ADGRL3: variants seen among roughly 807,000 people sequenced by gnomAD.
ADGRL3 encodes adhesion G protein-coupled receptor L3.
ADGRL3 carries 62 observed loss-of-function variants against 153.5 expected under a neutral mutation model. The ratio of observed to expected loss-of-function variants is 0.40; its 90% CI spans 0.33 to 0.50. ADGRL3 has a LOEUF of 0.50. ADGRL3 is among the 20% of genes least tolerant of loss of function. The pLI, the probability that ADGRL3 is intolerant of heterozygous loss-of-function variation, is 0.47. For synonymous variants in ADGRL3, 710 were observed against 672.5 expected, an observed-to-expected ratio of 1.06 and a Z score of -0.86; for missense variants, 1,641 against 1,859.4, an observed-to-expected ratio of 0.88 and a Z score of 2.16.
chr4:61,844,228 G>T (rs1462962128), intron 9 of ADGRL3, among the ~76,000 whole-genome samples: 1 of 151,434 alleles, frequency 6.6e-6, no homozygotes, highest in African/African-American at 2.4e-5. Flanking sequence ...GTCAAAAAAG[G>T]GTTTCAGAAA....
intron 1 of ADGRL3, among the ~76,000 whole-genome samples, chr4:61,238,595 C>T (rs1438811893): frequency 6.6e-6 from 1 of 151,834 alleles, no homozygotes; most frequent in Non-Finnish European, 1.5e-5. Flanking sequence ...ATTGATGAGC[C>T]CCAATTACAG....
intron 1 of ADGRL3, among the ~76,000 whole-genome samples, chr4:61,329,832 A>G (rs1399181504): frequency 5.3e-5 from 8 of 152,198 alleles, no homozygotes; most frequent in Non-Finnish European, 1.0e-4. Context: ...TTCAAAGATT[A>G]TTGTCAGAAA....
At chr4:61,377,283 C>T (rs1300509446) in intron 1 of ADGRL3, among the ~76,000 whole-genome samples, 1 of 152,056 alleles carries the variant, frequency 6.6e-6, no homozygotes, top group Non-Finnish European at 1.5e-5. Context: ...TTCTTCCCTT[C>T]CTTGCATCAA....
intron 8 of ADGRL3, among the ~76,000 whole-genome samples, chr4:61,767,078 A>T (rs1179443718): frequency 2.6e-5 from 4 of 151,876 alleles, no homozygotes; most frequent in African/African-American, 9.7e-5. Flanking sequence ...ATTAGGTTTT[A>T]ATGAGATGGT....
intron 1 of ADGRL3, among the ~76,000 whole-genome samples, chr4:61,281,982 G>C (rs2093740747): frequency 6.6e-6 from 1 of 151,926 alleles, no homozygotes; most frequent in Admixed American, 6.6e-5. Context: ...TCTGTCTCTA[G>C]CTCCTCTAGC....
At chr4:61,806,831 C>T (rs1006648408) in intron 8 of ADGRL3, among the ~76,000 whole-genome samples, 7 of 151,816 alleles carry the variant, frequency 4.6e-5, no homozygotes, top group African/African-American at 1.2e-4. Context: ...TACGATGAAT[C>T]GTATTTTCAA....
Position 61,552,031 on chromosome 4 carries a change from G to A in ADGRL3, c.259+34513G>A, listed in dbSNP as rs142134754. ...TAAAATCACAACATTTTATTAGATG[G>A]ATTACATTTATTATAACAATACCAA... On this transcript the variant is annotated intron_variant, in intron 4 of 26. Transcript: ENST00000683033. Among the ~76,000 whole-genome samples the A allele has an allele frequency of 4.4e-3, 667 of 152,214 alleles. 3 individuals carry two copies. Among genetic ancestry groups the A allele is most frequent in the Middle Eastern group, 0.024 (7 of 292 alleles).
intron 1 of ADGRL3, among the ~76,000 whole-genome samples, chr4:61,284,932 C>G (rs909953815): frequency 2.0e-5 from 3 of 151,416 alleles, no homozygotes; most frequent in African/African-American, 4.9e-5. Flanking sequence ...CTCTTAAGCC[C>G]CGCTCTTTGT....
chr4:61,371,563 C>T (rs1056944681), intron 1 of ADGRL3, among the ~76,000 whole-genome samples: 12 of 152,152 alleles, frequency 7.9e-5, no homozygotes, highest in African/African-American at 2.9e-4. Flanking sequence ...TTGGCCCCCA[C>T]TCTCTTCTGG....
intron 9 of ADGRL3, among the ~76,000 whole-genome samples, chr4:61,887,931 T>C (rs1159838905): frequency 6.6e-6 from 1 of 152,220 alleles, no homozygotes; most frequent in Non-Finnish European, 1.5e-5. Flanking sequence ...TCTATTATTG[T>C]ACTCCACAAG....
intron 9 of ADGRL3, among the ~76,000 whole-genome samples, chr4:61,838,498 G>A (rs1412920067): frequency 6.6e-6 from 1 of 152,098 alleles, no homozygotes; most frequent in African/African-American, 2.4e-5. Context: ...TCTTCTATTT[G>A]TTAGAACTTC....
intron 6 of ADGRL3, among the ~76,000 whole-genome samples, chr4:61,684,175 T>A (rs2095399675): frequency 6.6e-6 from 1 of 152,122 alleles, no homozygotes; most frequent in Admixed American, 6.6e-5. Context: ...ACGTACAACA[T>A]GGAGAAGGTA....
chr4:61,705,251 G>A (rs901102014), intron 6 of ADGRL3, among the ~76,000 whole-genome samples: 14 of 151,940 alleles, frequency 9.2e-5, no homozygotes, highest in Admixed American at 2.6e-4. Flanking sequence ...TTTGGTCCAT[G>A]AGCTACAGAA....
chr4:61,907,312 G>T (rs1412611476), intron 11 of ADGRL3, among the ~76,000 whole-genome samples: 1 of 152,052 alleles, frequency 6.6e-6, no homozygotes, highest in Non-Finnish European at 1.5e-5. Context: ...AGGCTGGAGT[G>T]CAGTGGTGCG....
chr4:61,894,746 A>G (rs1475338540), intron 10 of ADGRL3, among the ~76,000 whole-genome samples: 1 of 152,146 alleles, frequency 6.6e-6, no homozygotes, highest in Non-Finnish European at 1.5e-5. Flanking sequence ...AGGCCCCCAC[A>G]GTCTCTCACT....
intron 8 of ADGRL3, among the ~76,000 whole-genome samples, chr4:61,767,602 G>C (rs961004824): frequency 3.3e-5 from 5 of 152,126 alleles, no homozygotes; most frequent in African/African-American, 1.2e-4. Context: ...GAGAGCCTTG[G>C]GCCAGAGTTC....
chr4:61,949,204 A>G (rs933254059), intron 17 of ADGRL3, among the ~76,000 whole-genome samples: 1 of 152,150 alleles, frequency 6.6e-6, no homozygotes, highest in African/African-American at 2.4e-5. Context: ...CCTCATCTCA[A>G]TGGTTAAGAA....
At chr4:61,322,400 A>C (rs2135242) in intron 1 of ADGRL3, among the ~76,000 whole-genome samples, 111,131 of 152,066 alleles carry the variant, frequency 0.73, 40,855 homozygotes, top group East Asian at 0.96. Flanking sequence ...TCCAAGAGTC[A>C]CCTAAAGTCT....
chr4:61,862,854 T>C (rs2098357615), intron 9 of ADGRL3, among the ~76,000 whole-genome samples: 1 of 152,144 alleles, frequency 6.6e-6, no homozygotes, highest in Non-Finnish European at 1.5e-5. Flanking sequence ...GATCAGTGGT[T>C]CTCATCCTGG....
Sources: allele counts gnomAD v4.1 joint callset (sites outside exome capture counted in the v4.1 genomes callset), GRCh38; gene constraint gnomAD v4.1.1; transcripts MANE v1.5; gene names NCBI Gene and HGNC (gene_info 2026-07-23, HGNC 2026-07-21).